The following PTGR1 variants were observed in gnomAD, a reference collection of about 807,000 sequenced individuals.
PTGR1 encodes 15-oxoprostaglandin 13-reductase.
In PTGR1, 23 loss-of-function variants were observed where a neutral mutation model predicts 37.7. The observed-to-expected ratio is 0.61, with a 90% CI of 0.44 to 0.86. The LOEUF is 0.86. Ranked by LOEUF, PTGR1 falls within the 40% of genes least tolerant of loss-of-function variation. PTGR1 has a pLI of 0.00. For missense variants in PTGR1, 351 were observed against 394.3 expected (o/e 0.89, Z 0.93); for synonymous variants, 134 against 140.0 (o/e 0.96, Z 0.30).
intron 9 of PTGR1, among the ~76,000 whole-genome samples, chr9:111,565,051 C>G (rs1828493909): frequency 6.6e-6 from 1 of 151,980 alleles, no homozygotes. Context: ...ATGAACCCGG[C>G]AGGCGGAGGT....
intron 8 of PTGR1, chr9:111,574,055 C>T (rs1828949954): frequency 6.6e-6 from 1 of 152,232 alleles, no homozygotes; most frequent in Non-Finnish European, 1.5e-5. Flanking sequence ...GCAGTCTGCT[C>T]TTCCCTTCAC....
intron 2 of PTGR1, among the ~76,000 whole-genome samples, chr9:111,594,568 T>TTTTATGGG (rs1829723952): frequency 6.7e-6 from 1 of 149,702 alleles, no homozygotes; most frequent in Non-Finnish European, 1.5e-5. Flanking sequence ...TTTTTTTTTT[T>TTTTATGGG]GAGAGGGAGT....
intron 2 of PTGR1, among the ~76,000 whole-genome samples, chr9:111,596,863 G>T (rs1410898930): frequency 1.4e-5 from 2 of 143,978 alleles, no homozygotes; most frequent in African/African-American, 2.6e-5. Context: ...GAAGGCAGAG[G>T]TTGCAGTGAG....
At chr9:111,583,382 C>T (rs986598420) in intron 6 of PTGR1, 90 bp downstream of exon 6, 2 of 1,095,068 alleles carry the variant, frequency 1.8e-6, no homozygotes, top group Non-Finnish European at 2.8e-6. Context: ...AGACTATAAA[C>T]TCCCTGAGGC....
intron 9 of PTGR1, among the ~76,000 whole-genome samples, chr9:111,555,293 G>A (rs1374782299): frequency 6.6e-6 from 1 of 152,072 alleles, no homozygotes; most frequent in African/African-American, 2.4e-5. Flanking sequence ...GGTAGGAGTG[G>A]CATTTTGAGC....
chr9:111,588,219 C>T (rs867937672), intron 4 of PTGR1, among the ~76,000 whole-genome samples: 3 of 137,958 alleles, frequency 2.2e-5, no homozygotes, highest in African/African-American at 5.6e-5. Context: ...TTTTTTGAGA[C>T]GGAGTCTCGC....
chr9:111,599,150 C>G (rs1450785585), intron 1 of PTGR1, among the ~76,000 whole-genome samples: 1 of 152,182 alleles, frequency 6.6e-6, no homozygotes, highest in African/African-American at 2.4e-5. Context: ...CTCGCCCGCC[C>G]GAGGAGGGGG....
chr9:111,594,289 A>T, intron 2 of PTGR1, 22 bp from the exon 3 acceptor site: 1 of 1,608,844 alleles, frequency 6.2e-7, no homozygotes. Flanking sequence ...AGCATTCCAT[A>T]GGCAATTAGA....
At chr9:111,566,249 T>C (rs190364760) in intron 9 of PTGR1, among the ~76,000 whole-genome samples, 3 of 152,284 alleles carry the variant, frequency 2.0e-5, no homozygotes, top group Non-Finnish European at 4.4e-5. Context: ...CTAACTATGA[T>C]CAGCTTCACT....
rs897599442 is a variant in PTGR1 at position 111,589,392 on chromosome 9, G to C, written c.210-3227C>G. 5.6e-6 allele frequency: 5 copies of C among 889,770 alleles called. No homozygotes were observed. The African/African-American group carries it at 9.1e-5, about 16-fold the overall frequency. The allele number at this position is 889,770 out of a possible 1,614,324, so 55.1% of individuals were successfully genotyped here. ...GTATTATAATAACTGGCTAGTCATT[G>C]AGACACAAAATTTAAAAAAATAAAG... On this transcript the variant is annotated intron_variant, in intron 4 of 9. Transcript: ENST00000407693.
chr9:111,578,669 T>C, intron 7 of PTGR1, 127 bp downstream of exon 7: 1 of 786,222 alleles, frequency 1.3e-6, no homozygotes, highest in South Asian at 2.4e-5. Context: ...GCCCCTCACC[T>C]CCTGCTGTGC....
chr9:111,553,278 A>G (rs1828025032), intron 9 of PTGR1, among the ~76,000 whole-genome samples: 1 of 152,220 alleles, frequency 6.6e-6, no homozygotes, highest in Non-Finnish European at 1.5e-5. Context: ...TACTGTCTCT[A>G]GTCTTCTTGA....
At chr9:111,598,852 C>T (rs1428295964) in intron 1 of PTGR1, among the ~76,000 whole-genome samples, 1 of 152,138 alleles carries the variant, frequency 6.6e-6, no homozygotes, top group Non-Finnish European at 1.5e-5. Context: ...TCGAAATACA[C>T]ATTATTGGCT....
intron 4 of PTGR1, among the ~76,000 whole-genome samples, chr9:111,586,803 C>CTCTCTCTCTA (rs1272719502): frequency 3.5e-5 from 5 of 143,754 alleles, no homozygotes; most frequent in African/African-American, 1.3e-4. Flanking sequence ...CTCTCTCTCT[C>CTCTCTCTCTA]TATATATATA....
rs59331622 is a variant in PTGR1 at position 111,564,894 on chromosome 9, C to T, written c.880-1663G>A. Among the ~76,000 whole-genome samples, 354 of 151,980 alleles carry T rather than the reference C, an allele frequency of 2.3e-3. 2 individuals carry two copies. Among genetic ancestry groups the T allele is most frequent in the Non-Finnish European group, 3.9e-3 (268 of 67,946 alleles). ...ATCCCAGCACTTTGGGAGGCTGAGG[C>T]GGGTGGATCACCCGAGGTCAGGAGT... is the stretch of plus-strand genomic sequence containing the variant. On this transcript the variant is annotated intron_variant, in intron 9 of 9. Transcript: ENST00000407693.
chr9:111,598,780 C>T (rs1359062231), intron 1 of PTGR1, among the ~76,000 whole-genome samples: 1 of 152,192 alleles, frequency 6.6e-6, no homozygotes, highest in African/African-American at 2.4e-5. Flanking sequence ...CAGGCGTGAG[C>T]CACCGCGCCA....
chr9:111,581,367 C>T (rs1202192493), intron 6 of PTGR1, among the ~76,000 whole-genome samples: 1 of 152,148 alleles, frequency 6.6e-6, no homozygotes, highest in African/African-American at 2.4e-5. Context: ...AACTGTTCTT[C>T]ATCTGAAGAA....
intron 7 of PTGR1, among the ~76,000 whole-genome samples, chr9:111,578,348 A>G (rs964535259): frequency 1.3e-5 from 2 of 148,176 alleles, no homozygotes; most frequent in Non-Finnish European, 3.0e-5. Flanking sequence ...GTAATATACA[A>G]TGAAATAATT....
chr9:111,590,495 A>G (rs997548524), intron 4 of PTGR1, among the ~76,000 whole-genome samples: 1 of 152,088 alleles, frequency 6.6e-6, no homozygotes, highest in Non-Finnish European at 1.5e-5. Context: ...AATAGCTAGG[A>G]TTACAGATGC....
Sources: gnomAD v4.1 joint callset for allele counts (sites outside exome capture counted in the v4.1 genomes callset) on GRCh38, gnomAD v4.1.1 for gene constraint, MANE v1.5 for transcripts, NCBI Gene and HGNC (gene_info 2026-07-23, HGNC 2026-07-21) for gene names.